MYO1D: variants seen among roughly 807,000 people sequenced by gnomAD.
MYO1D encodes unconventional myosin-Id.
A neutral mutation model predicts 122.0 loss-of-function variants in MYO1D; 83 were observed. The ratio of observed to expected loss-of-function variants is 0.68; its 90% CI spans 0.57 to 0.82. The LOEUF is 0.82. Among genes scored for constraint, MYO1D ranks in the 40% least tolerant of loss-of-function variants. MYO1D has a pLI of 0.00. For missense variants in MYO1D, 1,157 were observed against 1,269.5 expected (o/e 0.91, Z 1.35); for synonymous variants, 464 against 446.9 (o/e 1.04, Z -0.48).
chr17:32,495,850 G>C (rs1190855672), intron 21 of MYO1D: 3 of 152,340 alleles, frequency 2.0e-5, no homozygotes, highest in Admixed American at 6.5e-5. Flanking sequence ...AGTCAGGACT[G>C]GCTGGCTCTG....
At chr17:32,566,533 A>C (rs891861952) in intron 21 of MYO1D, among the ~76,000 whole-genome samples, 11 of 151,828 alleles carry the variant, frequency 7.2e-5, no homozygotes, top group African/African-American at 2.7e-4. Context: ...AGGTGGGGCC[A>C]CATCGTGTAG....
intron 20 of MYO1D, among the ~76,000 whole-genome samples, chr17:32,636,395 A>AAAAGTAT (rs1406742303): frequency 7.9e-5 from 12 of 152,246 alleles, no homozygotes; most frequent in Non-Finnish European, 1.5e-4. Flanking sequence ...AATCATACAG[A>AAAAGTAT]AAAGTATAAA....
chr17:32,694,558 G>A (rs997074562), intron 16 of MYO1D, among the ~76,000 whole-genome samples: 6 of 151,410 alleles, frequency 4.0e-5, no homozygotes, highest in Middle Eastern at 3.4e-3. Context: ...AAAATTAGCC[G>A]GGCGCGGTGG....
intron 8 of MYO1D, 140 bp from the exon 9 acceptor site, chr17:32,760,767 T>A: frequency 2.3e-6 from 2 of 853,488 alleles, no homozygotes; most frequent in Admixed American, 5.7e-5. Flanking sequence ...CAAATGAAAA[T>A]GTAGACTGTC....
intron 13 of MYO1D, among the ~76,000 whole-genome samples, chr17:32,743,282 T>C (rs1360762587): frequency 6.6e-6 from 1 of 152,192 alleles, no homozygotes; most frequent in Non-Finnish European, 1.5e-5. Context: ...GACTGTGAAT[T>C]TATATCTCTA....
Position 32,745,237 on chromosome 17 carries a change from T to C in MYO1D, c.1587A>G (p.Gln529=). The part of the protein sequence containing the change: ...FIDKNKDTLF[Q]DFKRLMYNSS... ...TGTTATACATAAGGCGCTTGAAATC[T>C]TGAAATAAAGTATCTTTATTTTTGT... is the stretch of plus-strand genomic sequence containing the variant. Residue 529 remains glutamine, a synonymous_variant, in exon 13 of 22, where the codon CAA becomes CAG. Coordinates refer to ENST00000318217, the MANE Select transcript of MYO1D (RefSeq NM_015194.3). 1.9e-6 allele frequency: 3 copies of C among 1,542,602 alleles called. No homozygotes were observed. Among genetic ancestry groups the C allele is most frequent in the Non-Finnish European group, 2.7e-6 (3 of 1,121,098 alleles).
chr17:32,724,743 G>A (rs1213940121), intron 14 of MYO1D, among the ~76,000 whole-genome samples: 1 of 152,160 alleles, frequency 6.6e-6, no homozygotes, highest in Non-Finnish European at 1.5e-5. Context: ...GAAGTAGAAG[G>A]AGGCAGTCCT....
intron 20 of MYO1D, among the ~76,000 whole-genome samples, chr17:32,636,558 G>A (rs955262282): frequency 7.9e-5 from 12 of 152,200 alleles, no homozygotes; most frequent in African/African-American, 2.9e-4. Context: ...TCTGAAGTTA[G>A]TTCCACCCAG....
At chr17:32,818,583 C>T (rs144363582) in intron 1 of MYO1D, among the ~76,000 whole-genome samples, 25 of 152,324 alleles carry the variant, frequency 1.6e-4, no homozygotes, top group African/African-American at 6.0e-4. Context: ...AAAGTGAAAG[C>T]CTCACTCTTC....
At chr17:32,749,590 G>A (rs1187121624) in intron 11 of MYO1D, among the ~76,000 whole-genome samples, 1 of 152,104 alleles carries the variant, frequency 6.6e-6, no homozygotes, top group Non-Finnish European at 1.5e-5. Context: ...AATTAGGCGT[G>A]GTGGTATGCA....
At chr17:32,825,160 GGGT>G (rs2151061000) in intron 1 of MYO1D, among the ~76,000 whole-genome samples, 1 of 152,244 alleles carries the variant, frequency 6.6e-6, no homozygotes, top group African/African-American at 2.4e-5. Context: ...GAGCTTGTTT[GGGT>G]GTACAACATT....
chr17:32,561,177 C>A (rs978394054), intron 21 of MYO1D, among the ~76,000 whole-genome samples: 23 of 152,056 alleles, frequency 1.5e-4, no homozygotes, highest in Non-Finnish European at 2.8e-4. Flanking sequence ...CTCCCAAAGT[C>A]TGGCATTACA....
intron 21 of MYO1D, chr17:32,518,782 A>T (rs1012150850): frequency 6.6e-6 from 1 of 152,242 alleles, no homozygotes; most frequent in African/African-American, 2.4e-5. Flanking sequence ...AGCACTCTTC[A>T]TCACCAGGTG....
chr17:32,590,832 T>C (rs777434686), intron 21 of MYO1D, among the ~76,000 whole-genome samples: 21 of 152,254 alleles, frequency 1.4e-4, no homozygotes, highest in South Asian at 4.1e-4. Context: ...AATTCATGAA[T>C]ACCTCACAGG....
intron 2 of MYO1D, 72 bp from the exon 3 acceptor site, chr17:32,778,645 A>C: frequency 7.4e-7 from 1 of 1,344,792 alleles, no homozygotes. Context: ...TAATAGAATA[A>C]TTTAAAAATC....
intron 21 of MYO1D, chr17:32,518,341 T>C (rs577551672): frequency 6.5e-6 from 1 of 152,820 alleles, no homozygotes; most frequent in South Asian, 2.0e-4. Context: ...CATTACTGTT[T>C]ATTCATAATT....
intron 21 of MYO1D, among the ~76,000 whole-genome samples, chr17:32,532,741 A>AC (rs1294687089): frequency 6.6e-6 from 1 of 151,712 alleles, no homozygotes; most frequent in Non-Finnish European, 1.5e-5. Context: ...AAAAAAAAAA[A>AC]AACCAAACGA....
intron 21 of MYO1D, among the ~76,000 whole-genome samples, chr17:32,534,267 A>G (rs566383685): frequency 6.6e-6 from 1 of 152,258 alleles, no homozygotes; most frequent in African/African-American, 2.4e-5. Context: ...TCTGGGCTCA[A>G]GTGATTCTCC....
intron 20 of MYO1D, among the ~76,000 whole-genome samples, chr17:32,611,689 A>C (rs2087704348): frequency 6.6e-6 from 1 of 152,200 alleles, no homozygotes. Flanking sequence ...AAATACAAAA[A>C]TTAGCTGGTT....
Sources: allele counts gnomAD v4.1 joint callset (sites outside exome capture counted in the v4.1 genomes callset), GRCh38; gene constraint gnomAD v4.1.1; transcripts MANE v1.5; gene names NCBI Gene and HGNC (gene_info 2026-07-23, HGNC 2026-07-21).